Variants in GALNTL6 observed in about 807,000 individuals in gnomAD.
GALNTL6 encodes polypeptide N-acetylgalactosaminyltransferase-like 6.
A neutral mutation model predicts 73.7 loss-of-function variants in GALNTL6; 46 were observed. The observed-to-expected ratio is 0.62, with a 90% CI of 0.49 to 0.80. The LOEUF (loss-of-function observed/expected upper bound fraction) is 0.80. Among genes scored for constraint, GALNTL6 ranks in the 30% least tolerant of loss-of-function variants. The pLI is 0.00. For synonymous variants in GALNTL6, 259 were observed against 263.7 expected, an observed-to-expected ratio of 0.98 and a Z score of 0.17; for missense variants, 604 against 755.0, an observed-to-expected ratio of 0.80 and a Z score of 2.34.
intron 12 of GALNTL6, among the ~76,000 whole-genome samples, chr4:173,023,412 C>A (rs1392750432): frequency 6.6e-6 from 1 of 152,166 alleles, no homozygotes; most frequent in East Asian, 1.9e-4. Flanking sequence ...CATCCCAACA[C>A]TTTGGGAGGA....
chr4:172,517,648 T>C (rs887461070), intron 5 of GALNTL6, among the ~76,000 whole-genome samples: 5 of 152,112 alleles, frequency 3.3e-5, no homozygotes, highest in Admixed American at 3.3e-4. Flanking sequence ...CTTTCTATTG[T>C]CAGAACATTG....
chr4:172,628,070 A>G (rs1739239786), intron 5 of GALNTL6, among the ~76,000 whole-genome samples: 1 of 152,106 alleles, frequency 6.6e-6, no homozygotes. Flanking sequence ...TACTCACTAC[A>G]TGCTGCTACA....
At chr4:172,120,433 C>T (rs534206227) in intron 2 of GALNTL6, among the ~76,000 whole-genome samples, 4 of 152,144 alleles carry the variant, frequency 2.6e-5, no homozygotes, top group Non-Finnish European at 5.9e-5. Context: ...CTCAGGGCCT[C>T]ATATCACATA....
intron 2 of GALNTL6, among the ~76,000 whole-genome samples, chr4:171,989,511 G>A (rs968614793): frequency 2.6e-5 from 4 of 152,224 alleles, no homozygotes; most frequent in African/African-American, 9.6e-5. Flanking sequence ...CCTGGGAGAG[G>A]AGGTTCTGGA....
At chr4:172,051,050 G>A (rs1730843707) in intron 2 of GALNTL6, among the ~76,000 whole-genome samples, 1 of 152,154 alleles carries the variant, frequency 6.6e-6, no homozygotes, top group South Asian at 2.1e-4. Flanking sequence ...GAGTATTTAT[G>A]ATGCACTGTC....
intron 5 of GALNTL6, among the ~76,000 whole-genome samples, chr4:172,613,536 G>A (rs558748206): frequency 1.4e-4 from 22 of 152,084 alleles, no homozygotes; most frequent in African/African-American, 5.3e-4. Context: ...AGATAATTTT[G>A]AAGGGAAGCA....
At chr4:172,497,149 T>C (rs917964642) in intron 5 of GALNTL6, among the ~76,000 whole-genome samples, 5 of 152,218 alleles carry the variant, frequency 3.3e-5, no homozygotes, top group Non-Finnish European at 7.3e-5. Context: ...GGTTGGTCAT[T>C]GTAAGAGGGA....
At chr4:172,736,383 G>A (rs2111404570) in intron 5 of GALNTL6, among the ~76,000 whole-genome samples, 1 of 152,342 alleles carries the variant, frequency 6.6e-6, no homozygotes, top group South Asian at 2.1e-4. Flanking sequence ...TGCGAGAAGA[G>A]AAATATGACT....
chr4:172,698,657 T>C (rs1223473220), intron 5 of GALNTL6, among the ~76,000 whole-genome samples: 1 of 152,176 alleles, frequency 6.6e-6, no homozygotes, highest in Non-Finnish European at 1.5e-5. Flanking sequence ...TCAAACTATG[T>C]TTGTGTGCTT....
chr4:171,938,086 G>A (rs984945023), intron 2 of GALNTL6, among the ~76,000 whole-genome samples: 3 of 152,050 alleles, frequency 2.0e-5, no homozygotes, highest in Admixed American at 6.6e-5. Flanking sequence ...AGATGTTTAG[G>A]AACAGTTGGA....
intron 5 of GALNTL6, among the ~76,000 whole-genome samples, chr4:172,734,888 G>A (rs1312375440): frequency 6.6e-6 from 1 of 152,234 alleles, no homozygotes; most frequent in Non-Finnish European, 1.5e-5. Context: ...CAATCCCCAA[G>A]CCTTGGCAGC....
rs184266688 is a variant in GALNTL6, at chr4:172,056,122, G to T, written c.139-173534G>T. Among the ~76,000 whole-genome samples, 371 of 152,180 alleles carry T rather than the reference G, an allele frequency of 2.4e-3. 2 individuals are homozygous for T. Among genetic ancestry groups the T allele is most frequent in the African/African-American group, 8.7e-3 (360 of 41,530 alleles). On this transcript the variant is annotated intron_variant, in intron 2 of 12. Transcript: ENST00000506823. ...TAAAAATCTGCTATTAAGAATAACA[G>T]ATTGACTTAAAATTCTGACACTTAA...
At chr4:172,726,157 G>A (rs1211266532) in intron 5 of GALNTL6, among the ~76,000 whole-genome samples, 1 of 152,178 alleles carries the variant, frequency 6.6e-6, no homozygotes, top group Non-Finnish European at 1.5e-5. Context: ...GCTGAGCCCT[G>A]TAAACAGTTG....
intron 3 of GALNTL6, among the ~76,000 whole-genome samples, chr4:172,306,838 T>C (rs2654780): frequency 0.81 from 122,667 of 152,174 alleles, 50,026 homozygotes; most frequent in Non-Finnish European, 0.87. Context: ...ATGTATATGC[T>C]ACATTTTCTT....
intron 2 of GALNTL6, among the ~76,000 whole-genome samples, chr4:172,084,738 A>G (rs1456565646): frequency 1.3e-5 from 2 of 152,216 alleles, no homozygotes; most frequent in Non-Finnish European, 2.9e-5. Context: ...CGTATGTTGC[A>G]TTTCTTCATC....
chr4:172,589,917 T>C (rs1737567545), intron 5 of GALNTL6, among the ~76,000 whole-genome samples: 1 of 152,110 alleles, frequency 6.6e-6, no homozygotes, highest in South Asian at 2.1e-4. Flanking sequence ...AATGGACCAA[T>C]TTTTTACTCT....
chr4:172,350,740 A>G (rs1282371281), intron 5 of GALNTL6, among the ~76,000 whole-genome samples: 2 of 152,164 alleles, frequency 1.3e-5, no homozygotes. Context: ...TAAATTATAT[A>G]AACTAGGAAA....
chr4:171,877,062 C>T lies in GALNTL6; in HGVS notation c.138+62344C>T, dbSNP rs114483139. ...TCATTAGGCTGAGAATGTTTATTGG[C>T]TTAAAATGTATTTGTAGACCCAAGA... On this transcript the variant is annotated intron_variant, in intron 2 of 12. Coordinates refer to ENST00000506823, the MANE Select transcript of GALNTL6 (RefSeq NM_001034845.3). 7.0e-3 allele frequency among the ~76,000 whole-genome samples: 1,071 copies of T among 152,212 alleles called. 5 individuals carry two copies. The highest frequency in any genetic ancestry group is 0.011 in the Non-Finnish European group (718 of 68,006).
At chr4:172,882,650 C>G (rs926496239) in intron 7 of GALNTL6, 140 bp from the exon 8 acceptor site, 4 of 648,942 alleles carry the variant, frequency 6.2e-6, no homozygotes, top group Admixed American at 2.2e-5. Flanking sequence ...AACCCTATAT[C>G]CACTTACAGA....
Sources: gnomAD v4.1 joint callset for allele counts (sites outside exome capture counted in the v4.1 genomes callset) on GRCh38, gnomAD v4.1.1 for gene constraint, MANE v1.5 for transcripts, NCBI Gene and HGNC (gene_info 2026-07-23, HGNC 2026-07-21) for gene names.